Variants in DERA observed in about 807,000 individuals in gnomAD.
The protein encoded by DERA is deoxyribose-phosphate aldolase, also known as 2-deoxy-D-ribose 5-phosphate aldolase.
A neutral mutation model predicts 41.1 loss-of-function variants in DERA; 15 were observed. The ratio of observed to expected loss-of-function variants is 0.37; its 90% CI spans 0.24 to 0.56. The LOEUF is 0.56. Among genes scored for constraint, DERA ranks in the 20% least tolerant of loss-of-function variants. The pLI is 0.81. For synonymous variants in DERA, 139 were observed against 137.4 expected (o/e 1.01, Z -0.08); for missense variants, 396 against 403.4 (o/e 0.98, Z 0.16).
In DERA at chr12:15,940,954, T is replaced by C. The variant is rs144987956; in HGVS notation, c.32-15982T>C. On this transcript the variant is annotated intron_variant, in intron 1 of 8. Coordinates refer to ENST00000428559, the MANE Select transcript of DERA (RefSeq NM_015954.4). The surrounding 1 kb of genome is among the most constrained non-coding windows in gnomAD (Gnocchi z 5.1). The stretch of plus-strand genomic sequence containing the variant: ...AATGTTGAAAAACATTTTGTGCAAA[T>C]TGCAGATAATCAACTTTCCTGAGAA... 1.8e-3 allele frequency among the ~76,000 whole-genome samples: 274 copies of C among 152,338 alleles called. 6 individuals are homozygous for C. Among genetic ancestry groups the C allele is most frequent in the Admixed American group, 0.016 (241 of 15,294 alleles).
chr12:15,926,742 GAAAAAAA>G (rs71051274), intron 1 of DERA, among the ~76,000 whole-genome samples: 1 of 120,484 alleles, frequency 8.3e-6, no homozygotes, highest in African/African-American at 3.3e-5. Context: ...GTCTCAAAAA[GAAAAAAA>G]AAAAAAAAAA....
intron 5 of DERA, among the ~76,000 whole-genome samples, chr12:15,963,303 T>C (rs1484670650): frequency 6.6e-6 from 1 of 152,228 alleles, no homozygotes; most frequent in Non-Finnish European, 1.5e-5. Flanking sequence ...CATACTTCAC[T>C]CCAGGCAAGT....
In DERA at chr12:16,035,632, G is replaced by A. The variant is rs944428794; in HGVS notation, c.751-600G>A. On this transcript the variant is annotated intron_variant, in intron 7 of 8. Coordinates refer to ENST00000428559, the MANE Select transcript of DERA (RefSeq NM_015954.4). The surrounding 1 kb of genome is among the most constrained non-coding windows in gnomAD (Gnocchi z 4.1). ...GTTTTTCTACTGCCCTTATGTAACT[G>A]GTCTGCCAGCTTTTTAGAACTGTGT... is the stretch of plus-strand genomic sequence containing the variant. Among the ~76,000 whole-genome samples, 1 of 152,050 alleles carries A rather than the reference G, an allele frequency of 6.6e-6. No homozygotes were observed. Among genetic ancestry groups the A allele is most frequent in the Non-Finnish European group, 1.5e-5 (1 of 67,988 alleles).
At position 16,012,077 on chromosome 12, in the gene DERA, C is replaced by G. The variant is rs1191591045; in HGVS notation, c.638-20465C>G. 6.6e-6 allele frequency among the ~76,000 whole-genome samples: 1 copy of G among 152,164 alleles called. No homozygotes were observed. The highest frequency in any genetic ancestry group is 1.5e-5 in the Non-Finnish European group (1 of 68,028). On this transcript the variant is annotated intron_variant, in intron 6 of 8. Transcript: ENST00000428559. The surrounding 1 kb of genome is among the most constrained non-coding windows in gnomAD (Gnocchi z 4.1). The stretch of plus-strand genomic sequence containing the variant: ...AGGGGCAGAGTTTGGTAAAGAAAAG[C>G]CTTGTCTTGTACACTGCTGTGTATG...
chr12:16,016,705 T>C (rs1948984490), intron 6 of DERA, among the ~76,000 whole-genome samples: 2 of 141,124 alleles, frequency 1.4e-5, no homozygotes, highest in South Asian at 4.4e-4. Flanking sequence ...GGCAAGAGGA[T>C]CTCTTGAACC....
At chr12:16,024,682 C>T (rs747378756) in intron 6 of DERA, among the ~76,000 whole-genome samples, 20 of 150,652 alleles carry the variant, frequency 1.3e-4, no homozygotes, top group African/African-American at 3.0e-4. Flanking sequence ...ACTCTTATTA[C>T]GCTGTAATCC....
intron 6 of DERA, among the ~76,000 whole-genome samples, chr12:15,986,050 G>T (rs541920611): frequency 2.6e-5 from 4 of 151,968 alleles, no homozygotes; most frequent in Non-Finnish European, 5.9e-5. Context: ...ATACCTTTAG[G>T]ATTGTTATGT....
chr12:16,029,675 C>G (rs1018805922), intron 6 of DERA, among the ~76,000 whole-genome samples: 7 of 151,960 alleles, frequency 4.6e-5, no homozygotes, highest in Non-Finnish European at 1.0e-4. Context: ...AGATGCAGCA[C>G]CTGCCCCTAA....
At chr12:15,945,710 C>T (rs929660965) in intron 1 of DERA, among the ~76,000 whole-genome samples, 1 of 152,090 alleles carries the variant, frequency 6.6e-6, no homozygotes, top group Non-Finnish European at 1.5e-5. Flanking sequence ...TAATTGAATA[C>T]CCTTTATTTC....
chr12:16,033,217 T>C (rs1949104740), intron 7 of DERA, among the ~76,000 whole-genome samples: 1 of 152,206 alleles, frequency 6.6e-6, no homozygotes, highest in African/African-American at 2.4e-5. Flanking sequence ...CTTTTAATAA[T>C]ATGAGGTGAA....
Position 15,913,396 on chromosome 12 carries a change from A to C in DERA, c.31+1982A>C, listed in dbSNP as rs903604215. Among the ~76,000 whole-genome samples the C allele has an allele frequency of 2.0e-5, 3 of 152,228 alleles. No individual in the cohort carries two copies. Among genetic ancestry groups the C allele is most frequent in the African/African-American group, 7.2e-5 (3 of 41,464 alleles). On this transcript the variant is annotated intron_variant, in intron 1 of 8. Transcript: ENST00000428559. The surrounding 1 kb of genome is among the most constrained non-coding windows in gnomAD (Gnocchi z 4.5). ...CTAAAATAAGTTATTTGAATTAGGT[A>C]CTAGGGAAAAAAATCTTTCAGTATT... is the stretch of plus-strand genomic sequence containing the variant.
chr12:16,030,838 T>C (rs1949087884), intron 6 of DERA, among the ~76,000 whole-genome samples: 1 of 152,196 alleles, frequency 6.6e-6, no homozygotes, highest in South Asian at 2.1e-4. Flanking sequence ...TGGCACATGG[T>C]AGTACTCAGT....
chr12:16,027,455 G>A (rs1280929761), intron 6 of DERA, among the ~76,000 whole-genome samples: 1 of 152,208 alleles, frequency 6.6e-6, no homozygotes, highest in Non-Finnish European at 1.5e-5. Context: ...TTGCAGTGAG[G>A]TGATCATTCT....
At chr12:16,015,792 T>C (rs966714890) in intron 6 of DERA, among the ~76,000 whole-genome samples, 1 of 152,184 alleles carries the variant, frequency 6.6e-6, no homozygotes, top group African/African-American at 2.4e-5. Context: ...AAAATATAAA[T>C]TCAGGGAAAA....
rs1254410147 is a variant in DERA, at chr12:15,935,533, G to A, written c.32-21403G>A. ...ATAATTTTTAAAAAGAAATTTCATTGAGGTATAATATATGTTCAGTTTTCA... is the reference window on the plus strand; with the variant it reads ...ATAATTTTTAAAAAGAAATTTCATTAAGGTATAATATATGTTCAGTTTTCA... On this transcript the variant is annotated intron_variant, in intron 1 of 8. Coordinates refer to ENST00000428559, the MANE Select transcript of DERA (RefSeq NM_015954.4). The surrounding 1 kb of genome is among the most constrained non-coding windows in gnomAD (Gnocchi z 4.8). Among the ~76,000 whole-genome samples the A allele has an allele frequency of 1.3e-5, 2 of 152,072 alleles. No homozygotes were observed. The highest frequency in any genetic ancestry group is 3.9e-4 in the East Asian group (2 of 5,184).
chr12:15,912,578 G>T (rs1232006639), intron 1 of DERA, among the ~76,000 whole-genome samples: 2 of 152,104 alleles, frequency 1.3e-5, no homozygotes, highest in African/African-American at 4.8e-5. Context: ...TATTTTAGTG[G>T]TAGTTACCTT....
intron 4 of DERA, 65 bp from the exon 5 acceptor site, chr12:15,962,748 C>G (rs1565597576): frequency 2.8e-6 from 4 of 1,419,546 alleles, no homozygotes; most frequent in Non-Finnish European, 3.8e-6. Flanking sequence ...TTCCCCTCCC[C>G]CCCTTGCTTA....
chr12:15,997,578 G>A (rs16911478), intron 6 of DERA, among the ~76,000 whole-genome samples: 8,611 of 152,198 alleles, frequency 0.057, 334 homozygotes, highest in Middle Eastern at 0.099. Flanking sequence ...TAACGGAATC[G>A]TATGCAAAAG....
At chr12:15,997,221 A>G (rs1948844129) in intron 6 of DERA, among the ~76,000 whole-genome samples, 1 of 151,962 alleles carries the variant, frequency 6.6e-6, no homozygotes, top group Non-Finnish European at 1.5e-5. Context: ...CTGACACAAG[A>G]CTACACAATG....
Sources: allele counts gnomAD v4.1 joint callset (sites outside exome capture counted in the v4.1 genomes callset), GRCh38; gene constraint gnomAD v4.1.1; non-coding constraint Gnocchi (gnomAD v3.1); transcripts MANE v1.5; gene names NCBI Gene and HGNC (gene_info 2026-07-23, HGNC 2026-07-21).